GRAMD1C: variants seen among roughly 807,000 people sequenced by gnomAD.
GRAMD1C encodes protein Aster-C.
A neutral mutation model predicts 97.8 loss-of-function variants in GRAMD1C; 89 were observed. That is an observed-to-expected ratio of 0.91 (90% CI 0.77 to 1.09). The LOEUF (loss-of-function observed/expected upper bound fraction) is 1.09. Among genes scored for constraint, GRAMD1C ranks in the 50% least tolerant of loss-of-function variants. The pLI, the probability that GRAMD1C is intolerant of heterozygous loss-of-function variation, is 0.00. For synonymous variants in GRAMD1C, 256 were observed against 267.0 expected (o/e 0.96, Z 0.40); for missense variants, 740 against 766.4 (o/e 0.97, Z 0.41).
intron 10 of GRAMD1C, among the ~76,000 whole-genome samples, chr3:113,925,091 A>G (rs1376118752): frequency 2.6e-5 from 4 of 152,334 alleles, no homozygotes; most frequent in Middle Eastern, 3.4e-3. Flanking sequence ...AAATTAGAAT[A>G]GCAATCTCTG....
At chr3:113,880,497 T>A (rs1290680727) in intron 5 of GRAMD1C, among the ~76,000 whole-genome samples, 1 of 152,056 alleles carries the variant, frequency 6.6e-6, no homozygotes, top group East Asian at 1.9e-4. Flanking sequence ...TAAAAAATGC[T>A]GTATGGTATT....
Position 113,939,912 on chromosome 3 carries a change from T to C in GRAMD1C, c.1718T>C (p.Val573Ala), listed in dbSNP as rs369625378. Residue 573 changes from valine to alanine, a missense_variant, in exon 16 of 18, where the codon GTG (valine) becomes GCG (alanine). Val to Ala is a moderately conservative substitution (Grantham distance 64, BLOSUM62 0). Transcript: ENST00000358160. The part of the protein sequence containing the change: ...IFVLLLVLLN[V>A]TLFLKLSKIE... The stretch of plus-strand genomic sequence containing the variant: ...GTGTTGTTATTAGTTTTGTTGAATG[T>C]GACACTGTTTCTGAAGCTGTCAAAG... 1.9e-6 allele frequency: 3 copies of C among 1,604,650 alleles called. No individual in the cohort carries two copies. The highest frequency in any genetic ancestry group is 2.7e-5 in the African/African-American group (2 of 74,730).
chr3:113,849,940 C>T (rs1272578119), intron 2 of GRAMD1C, among the ~76,000 whole-genome samples: 1 of 150,154 alleles, frequency 6.7e-6, no homozygotes, highest in Non-Finnish European at 1.5e-5. Flanking sequence ...CCCCACCTCC[C>T]TCCCGGACGG....
At chr3:113,870,517 A>G (rs987288791) in intron 3 of GRAMD1C, among the ~76,000 whole-genome samples, 1 of 152,332 alleles carries the variant, frequency 6.6e-6, no homozygotes, top group Non-Finnish European at 1.5e-5. Flanking sequence ...AGTGTTCAGT[A>G]TCACATGGGG....
Position 113,940,306 on chromosome 3 carries a change from A to C in GRAMD1C, c.1869A>C (p.Leu623Phe). The part of the protein sequence containing the change: ...IQKNKDQAHR[L>F]KGVLRDSIVM... ...AGAATAAAGATCAGGCCCATCGTTT[A>C]AAGGGAGTGCTCCGAGACTCCATAG... The change falls in exon 17 of 18, where the codon TTA becomes TTC. Residue 623 changes from leucine (L) to phenylalanine (F), a missense_variant. Coordinates refer to ENST00000358160, the MANE Select transcript of GRAMD1C (RefSeq NM_017577.5). 2 of 1,608,676 alleles carry C rather than the reference A, an allele frequency of 1.2e-6. No homozygotes were observed. The highest frequency in any genetic ancestry group is 8.5e-7 in the Non-Finnish European group (1 of 1,175,028).
At chr3:113,931,599 C>T (rs114780919) in intron 11 of GRAMD1C, among the ~76,000 whole-genome samples, 6,603 of 151,972 alleles carry the variant, frequency 0.043, 171 homozygotes, top group African/African-American at 0.065. Context: ...ACTCATGATC[C>T]GCCTGCCTCA....
chr3:113,914,341 A>G (rs982852693), intron 9 of GRAMD1C, among the ~76,000 whole-genome samples: 5 of 152,236 alleles, frequency 3.3e-5, no homozygotes, highest in African/African-American at 1.2e-4. Flanking sequence ...TCTGATATCC[A>G]TAAGTCCTTT....
At chr3:113,844,821 A>G in intron 2 of GRAMD1C, 172 bp downstream of exon 2, 1 of 533,540 alleles carries the variant, frequency 1.9e-6, no homozygotes, top group East Asian at 3.3e-5. Context: ...TTTGACCACT[A>G]GAATGCACTG....
Position 113,882,828 on chromosome 3 carries a change from A to T in GRAMD1C, c.536A>T (p.Asp179Val), listed in dbSNP as rs374091640. 6 of 1,517,012 alleles carry T rather than the reference A, an allele frequency of 4.0e-6. No individual in the cohort carries two copies. The African/African-American group carries it at 8.2e-5, about 21-fold the overall frequency. The allele number at this position is 1,517,012 out of a possible 1,614,324, so 94.0% of individuals were successfully genotyped here. A position where few individuals can be genotyped will look rare whatever the true frequency, so the allele number is the denominator to read the frequency against. The change falls in exon 6 of 18, where the codon GAT (aspartate) becomes GTT (valine). Residue 179 changes from aspartate (D) to valine (V), a missense_variant. By Grantham distance (152) the Asp-to-Val change is radical (BLOSUM62 -3). Transcript: ENST00000358160. ...AGGTTGTGGCAGAATGTATTATTAG[A>T]TAAGGTAAGTGTTCATACCAGAGGC... ...IFRLWQNVLL[D>V]KSLTRQEFWQ...
At chr3:113,931,648 G>T (rs1937431186) in intron 11 of GRAMD1C, among the ~76,000 whole-genome samples, 1 of 152,076 alleles carries the variant, frequency 6.6e-6, no homozygotes, top group African/African-American at 2.4e-5. Context: ...AGAATACCAG[G>T]CCAGTTATGG....
At chr3:113,935,499 T>TACACAC (rs1491420187) in intron 13 of GRAMD1C, among the ~76,000 whole-genome samples, 9 of 150,454 alleles carry the variant, frequency 6.0e-5, no homozygotes, top group African/African-American at 2.2e-4. Flanking sequence ...TATATATATA[T>TACACAC]ATACACACAC....
At chr3:113,905,430 T>C (rs1367414799) in intron 8 of GRAMD1C, among the ~76,000 whole-genome samples, 1 of 152,202 alleles carries the variant, frequency 6.6e-6, no homozygotes, top group Non-Finnish European at 1.5e-5. Flanking sequence ...GCCTTTGTTC[T>C]GCTGATTGGG....
At chr3:113,857,957 T>A (rs548434930) in intron 2 of GRAMD1C, among the ~76,000 whole-genome samples, 6 of 152,312 alleles carry the variant, frequency 3.9e-5, no homozygotes, top group African/African-American at 1.4e-4. Context: ...GTTCTGTAAT[T>A]TTCTATTTTT....
At chr3:113,925,688 C>T (rs931532413) in intron 10 of GRAMD1C, among the ~76,000 whole-genome samples, 9 of 152,174 alleles carry the variant, frequency 5.9e-5, no homozygotes, top group African/African-American at 2.2e-4. Flanking sequence ...GGTCTATGTA[C>T]TTAAGTGTGT....
At chr3:113,923,234 A>G (rs1043339004) in intron 10 of GRAMD1C, among the ~76,000 whole-genome samples, 1 of 151,700 alleles carries the variant, frequency 6.6e-6, no homozygotes, top group Non-Finnish European at 1.5e-5. Context: ...ATATAGTTTG[A>G]TTTCCTGTTT....
At chr3:113,928,252 G>C (rs905536320) in intron 10 of GRAMD1C, among the ~76,000 whole-genome samples, 1 of 152,128 alleles carries the variant, frequency 6.6e-6, no homozygotes, top group Non-Finnish European at 1.5e-5. Context: ...CATCAACCCT[G>C]TTGTTTCCTG....
At chr3:113,919,994 C>T (rs1936976585) in intron 10 of GRAMD1C, 1 of 682,486 alleles carries the variant, frequency 1.5e-6, no homozygotes, top group African/African-American at 1.8e-5. Flanking sequence ...GACCCTACTC[C>T]AACAATCAGA....
intron 2 of GRAMD1C, among the ~76,000 whole-genome samples, chr3:113,858,441 C>T (rs922874308): frequency 2.9e-4 from 40 of 138,376 alleles, no homozygotes; most frequent in African/African-American, 1.1e-3. Context: ...TGTTGCCAGG[C>T]TGGAGTGCAG....
intron 9 of GRAMD1C, among the ~76,000 whole-genome samples, chr3:113,913,838 A>G (rs1936702161): frequency 6.6e-6 from 1 of 152,210 alleles, no homozygotes; most frequent in Non-Finnish European, 1.5e-5. Flanking sequence ...AGACGGTTGA[A>G]GTCAATGAAC....
Sources: gnomAD v4.1 joint callset for allele counts (sites outside exome capture counted in the v4.1 genomes callset) on GRCh38, gnomAD v4.1.1 for gene constraint, MANE v1.5 for transcripts, NCBI Gene and HGNC (gene_info 2026-07-23, HGNC 2026-07-21) for gene names.